Variants in ZYG11A observed in about 807,000 individuals in gnomAD.
ZYG11A encodes the protein zyg-11 family member A, cell cycle regulator, also known as protein zyg-11 homolog A.
Under a neutral mutation model 77.2 loss-of-function variants are expected in ZYG11A, and 62 were observed. The ratio of observed to expected loss-of-function variants is 0.80; its 90% CI spans 0.65 to 0.99. The LOEUF (loss-of-function observed/expected upper bound fraction) is 0.99, where lower values mean the gene tolerates loss of function less well. Ranked by LOEUF, ZYG11A falls within the 50% of genes least tolerant of loss-of-function variation. The pLI, the probability that ZYG11A is intolerant of heterozygous loss-of-function variation, is 0.00. For synonymous variants in ZYG11A, 315 were observed against 324.6 expected, an observed-to-expected ratio of 0.97 and a Z score of 0.32; for missense variants, 828 against 896.8, an observed-to-expected ratio of 0.92 and a Z score of 0.98.
At chr1:52,855,296 T>G (rs1357558579) in intron 2 of ZYG11A, among the ~76,000 whole-genome samples, 3 of 152,030 alleles carry the variant, frequency 2.0e-5, no homozygotes, top group Non-Finnish European at 2.9e-5. Context: ...AAAAGGGCAT[T>G]TTATTATTTA....
chr1:52,860,810 C>T lies in ZYG11A; in HGVS notation c.1088C>T (p.Ala363Val), dbSNP rs1316525713. The change falls in exon 4 of 14, where the codon GCC becomes GTC. Residue 363 changes from alanine (A) to valine (V), a missense_variant. Transcript: ENST00000371528. ...AACAGATCATGTTTTGTGAAGGAAG[C>T]CCTCCACAGGCTGTTCACAGAGACA... The part of the protein sequence containing the change: ...YRNRSCFVKE[A>V]LHRLFTETFS... 1.3e-6 allele frequency: 2 copies of T among 1,551,420 alleles called. No homozygotes were observed. The highest frequency in any genetic ancestry group is 2.0e-5 in the Admixed American group (1 of 50,964).
chr1:52,856,912 C>T, intron 2 of ZYG11A, 86 bp from the exon 3 acceptor site: 2 of 1,338,028 alleles, frequency 1.5e-6, no homozygotes, highest in Non-Finnish European at 1.0e-6. Flanking sequence ...TTATTATTAA[C>T]ATCTGTCTTA....
Position 52,867,561 on chromosome 1 carries a change from A to G in ZYG11A, c.1414A>G (p.Met472Val). The G allele has an allele frequency of 1.3e-6, 2 of 1,552,186 alleles. No homozygotes were observed. The highest frequency in any genetic ancestry group is 1.4e-5 in the African/African-American group (1 of 73,178). ...CAGGTTTGATGCTGCCAAGTTTGTC[A>G]TGAGATGGCTCTGTAAGCATGAAAA... ...FDRFDAAKFV[M>V]RWLCKHENPK... Residue 472 changes from methionine (M) to valine (V), a missense_variant, in exon 7 of 14, where the codon ATG becomes GTG. Transcript: ENST00000371528.
At chr1:52,869,920 CA>C (rs1646113129) in intron 8 of ZYG11A, among the ~76,000 whole-genome samples, 2 of 68,268 alleles carry the variant, frequency 2.9e-5, no homozygotes, top group African/African-American at 5.0e-5. Flanking sequence ...TGACCCCCCC[CA>C]CACCTCCCTC....
chr1:52,893,620 G>A lies in ZYG11A; in HGVS notation c.*663G>A, dbSNP rs951437967. ...TCTCTACCAAAAAATACAAAAATTA[G>A]CTGAGCGTGGTGGTGTGCACCTTTA... On this transcript the variant is annotated 3_prime_UTR_variant, in exon 14 of 14. Coordinates refer to ENST00000371528, the MANE Select transcript of ZYG11A (RefSeq NM_001004339.3). 2.6e-5 allele frequency: 4 copies of A among 151,746 alleles called. No individual in the cohort carries two copies. Among genetic ancestry groups the A allele is most frequent in the Non-Finnish European group, 5.9e-5 (4 of 68,000 alleles). The allele number at this position is 151,746 out of a possible 1,614,324, so 9.4% of individuals were successfully genotyped here. A position where few individuals can be genotyped will look rare whatever the true frequency, so the allele number is the denominator to read the frequency against.
At chr1:52,887,474 T>C (rs1273020116) in intron 13 of ZYG11A, among the ~76,000 whole-genome samples, 3 of 152,194 alleles carry the variant, frequency 2.0e-5, no homozygotes, top group Non-Finnish European at 2.9e-5. Context: ...ACTCTTCCTT[T>C]AGTAAAACAT....
At chr1:52,862,457 G>A (rs1228124907) in intron 4 of ZYG11A, among the ~76,000 whole-genome samples, 5 of 150,486 alleles carry the variant, frequency 3.3e-5, no homozygotes, top group Non-Finnish European at 4.4e-5. Context: ...GACTACAGGC[G>A]CCCGTCACCA....
chr1:52,894,383 T>C lies in ZYG11A; in HGVS notation c.*1426T>C, dbSNP rs910247706. ...CCCCGCATGCTGACTAAAGAAAACA[T>C]GGGCTTTTCTGAAACCAGCTTCAAC... On this transcript the variant is annotated 3_prime_UTR_variant, in exon 14 of 14. Transcript: ENST00000371528. 6.6e-6 allele frequency: 1 copy of C among 152,178 alleles called. No homozygotes were observed. Among genetic ancestry groups the C allele is most frequent in the African/African-American group, 2.4e-5 (1 of 41,444 alleles). 9.4% of individuals were successfully genotyped at this position (152,178 alleles called of 1,614,324 possible). A position where few individuals can be genotyped will look rare whatever the true frequency, so the allele number is the denominator to read the frequency against.
chr1:52,856,270 T>C (rs1008358379), intron 2 of ZYG11A, among the ~76,000 whole-genome samples: 9 of 152,102 alleles, frequency 5.9e-5, no homozygotes, highest in African/African-American at 2.2e-4. Context: ...GGTGTCTGAT[T>C]ACCTTACGTG....
chr1:52,854,633 A>G lies in ZYG11A; in HGVS notation c.256+3A>G. 1 of 1,528,158 alleles carries G rather than the reference A, an allele frequency of 6.5e-7. No homozygotes were observed. The highest frequency in any genetic ancestry group is 1.2e-5 in the South Asian group (1 of 80,674). The allele number at this position is 1,528,158 out of a possible 1,614,324, so 94.7% of individuals were successfully genotyped here. A position where few individuals can be genotyped will look rare whatever the true frequency, so the allele number is the denominator to read the frequency against. ...TCTCAGGGTGATGACTTGGCAAGGT[A>G]GTGATAAGGCTTCTCTAAAGTCAGC... On this transcript the variant is annotated splice_donor_region_variant and intron_variant, in intron 2 of 13. Coordinates refer to ENST00000371528, the MANE Select transcript of ZYG11A (RefSeq NM_001004339.3).
chr1:52,863,445 C>T (rs1422054884), intron 4 of ZYG11A, among the ~76,000 whole-genome samples: 2 of 152,186 alleles, frequency 1.3e-5, no homozygotes, highest in African/African-American at 2.4e-5. Context: ...ACATTTATCT[C>T]CTCCTGTGTA....
At chr1:52,879,972 G>T (rs973043227) in intron 10 of ZYG11A, among the ~76,000 whole-genome samples, 1 of 150,884 alleles carries the variant, frequency 6.6e-6, no homozygotes, top group African/African-American at 2.4e-5. Context: ...CACCATGTTA[G>T]CCAGGATGGT....
chr1:52,863,576 T>A (rs1645968405), intron 4 of ZYG11A, among the ~76,000 whole-genome samples: 1 of 152,248 alleles, frequency 6.6e-6, no homozygotes. Flanking sequence ...TTTATGGTGC[T>A]TTTCTTCAAT....
chr1:52,861,882 C>T (rs1645934061), intron 4 of ZYG11A, among the ~76,000 whole-genome samples: 4 of 151,916 alleles, frequency 2.6e-5, no homozygotes, highest in African/African-American at 9.7e-5. Flanking sequence ...ATTAGTAAGA[C>T]CCTGTCTCTA....
chr1:52,874,878 T>G (rs1646234960), intron 8 of ZYG11A, among the ~76,000 whole-genome samples: 1 of 152,152 alleles, frequency 6.6e-6, no homozygotes, highest in African/African-American at 2.4e-5. Flanking sequence ...AAAAAAGGTA[T>G]CCACATTGCT....
chr1:52,881,723 G>A (rs1485079925), intron 11 of ZYG11A, 58 bp downstream of exon 11: 3 of 1,317,176 alleles, frequency 2.3e-6, no homozygotes, highest in East Asian at 2.6e-5. Flanking sequence ...TACAGAAAAT[G>A]TAGTTTCCTA....
intron 6 of ZYG11A, among the ~76,000 whole-genome samples, chr1:52,866,919 A>G (rs543139170): frequency 6.6e-6 from 1 of 152,224 alleles, no homozygotes; most frequent in Non-Finnish European, 1.5e-5. Context: ...ACAGGCTATT[A>G]TAAAGAATAT....
intron 11 of ZYG11A, among the ~76,000 whole-genome samples, chr1:52,885,540 A>C (rs1435228933): frequency 6.6e-6 from 1 of 152,038 alleles, no homozygotes; most frequent in Non-Finnish European, 1.5e-5. Context: ...GCTAGGTATT[A>C]AATCAGTTAC....
At chr1:52,867,939 G>A (rs973470618) in intron 8 of ZYG11A, among the ~76,000 whole-genome samples, 162 bp downstream of exon 8, 2 of 145,698 alleles carry the variant, frequency 1.4e-5, no homozygotes, top group African/African-American at 5.1e-5. Flanking sequence ...TATTTCTTTT[G>A]GTATGTACCT....
Sources: gnomAD v4.1 joint callset for allele counts (sites outside exome capture counted in the v4.1 genomes callset) on GRCh38, gnomAD v4.1.1 for gene constraint, MANE v1.5 for transcripts, NCBI Gene and HGNC (gene_info 2026-07-23, HGNC 2026-07-21) for gene names.